The following ERBB4 variants were observed in gnomAD, a reference collection of about 807,000 sequenced individuals.
The protein encoded by ERBB4 is erb-b2 receptor tyrosine kinase 4, also known as receptor tyrosine-protein kinase erbB-4.
ERBB4 carries 42 observed loss-of-function variants against 158.0 expected under a neutral mutation model. That is an observed-to-expected ratio of 0.27 (90% CI 0.21 to 0.34). ERBB4 has a LOEUF of 0.34. Ranked by LOEUF, ERBB4 falls within the 10% of genes least tolerant of loss-of-function variation. ERBB4 has a pLI of 1.00. For synonymous variants in ERBB4, 583 were observed against 558.7 expected, an observed-to-expected ratio of 1.04 and a Z score of -0.61; for missense variants, 1,333 against 1,624.1, an observed-to-expected ratio of 0.82 and a Z score of 3.08.
At chr2:212,320,543 T>C (rs1312729129) in intron 1 of ERBB4, among the ~76,000 whole-genome samples, 6 of 148,110 alleles carry the variant, frequency 4.1e-5, no homozygotes, top group Non-Finnish European at 9.0e-5. Context: ...AGATTCTGGC[T>C]ATTATATTCT....
intron 1 of ERBB4, among the ~76,000 whole-genome samples, 165 bp downstream of exon 1, chr2:212,538,284 G>C (rs888671867): frequency 2.0e-5 from 3 of 152,184 alleles, no homozygotes; most frequent in Admixed American, 6.5e-5. Flanking sequence ...CACATACAGG[G>C]TAAGTTTCAA....
At chr2:211,836,531 G>A (rs1458299610) in intron 3 of ERBB4, among the ~76,000 whole-genome samples, 3 of 152,132 alleles carry the variant, frequency 2.0e-5, no homozygotes, top group South Asian at 2.1e-4. Flanking sequence ...TCTCTGCTTA[G>A]TACATACCAA....
At chr2:211,565,682 T>C (rs1334616874) in intron 19 of ERBB4, among the ~76,000 whole-genome samples, 3 of 152,168 alleles carry the variant, frequency 2.0e-5, no homozygotes, top group Non-Finnish European at 4.4e-5. Context: ...TATTCACAAA[T>C]ATGCAGTGTT....
intron 2 of ERBB4, among the ~76,000 whole-genome samples, chr2:212,063,473 A>G (rs2077842657): frequency 6.6e-6 from 1 of 152,122 alleles, no homozygotes; most frequent in Admixed American, 6.6e-5. Flanking sequence ...TACTTCACTA[A>G]AGGCAAATAA....
At chr2:212,374,833 T>C (rs1019985771) in intron 1 of ERBB4, among the ~76,000 whole-genome samples, 2 of 151,954 alleles carry the variant, frequency 1.3e-5, no homozygotes, top group African/African-American at 4.8e-5. Context: ...GGCACAATCA[T>C]AGCAGATAGT....
At chr2:211,445,313 G>T (rs1292322263) in intron 20 of ERBB4, among the ~76,000 whole-genome samples, 1 of 152,102 alleles carries the variant, frequency 6.6e-6, no homozygotes, top group African/African-American at 2.4e-5. Context: ...GTTTGACTAA[G>T]ACAGTAACTT....
At chr2:211,602,989 G>A (rs1387501018) in intron 19 of ERBB4, among the ~76,000 whole-genome samples, 1 of 152,100 alleles carries the variant, frequency 6.6e-6, no homozygotes, top group Non-Finnish European at 1.5e-5. Flanking sequence ...AGCACTTTGG[G>A]AGGCTGAGGT....
chr2:211,390,022 AATCCAGTAC>A (rs1394947319), intron 25 of ERBB4, among the ~76,000 whole-genome samples: 2 of 152,182 alleles, frequency 1.3e-5, no homozygotes, highest in Admixed American at 1.3e-4. Flanking sequence ...AAATACCTGA[AATCCAGTAC>A]ATTTGTTCAT....
At chr2:212,093,512 A>G (rs2078839584) in intron 2 of ERBB4, among the ~76,000 whole-genome samples, 1 of 152,232 alleles carries the variant, frequency 6.6e-6, no homozygotes, top group African/African-American at 2.4e-5. Context: ...CAACTAAAAA[A>G]GAATTACAAT....
At chr2:212,421,563 T>C (rs747083251) in intron 1 of ERBB4, among the ~76,000 whole-genome samples, 1 of 152,166 alleles carries the variant, frequency 6.6e-6, no homozygotes, top group African/African-American at 2.4e-5. Context: ...TTTTGGGATA[T>C]TGTCAGTAAG....
chr2:212,286,597 T>G (rs72945674), intron 1 of ERBB4, among the ~76,000 whole-genome samples: 651 of 22,116 alleles, frequency 0.029, 16 homozygotes, highest in East Asian at 0.096. Context: ...GTGCTGACTT[T>G]TTTTTTTTTT....
At chr2:211,594,843 A>G (rs2068584225) in intron 19 of ERBB4, among the ~76,000 whole-genome samples, 1 of 151,870 alleles carries the variant, frequency 6.6e-6, no homozygotes, top group African/African-American at 2.4e-5. Context: ...TTTTAAGTTC[A>G]CATTATCTCA....
chr2:212,448,920 T>C (rs191715382), intron 1 of ERBB4, among the ~76,000 whole-genome samples: 1 of 152,300 alleles, frequency 6.6e-6, no homozygotes, highest in Admixed American at 6.5e-5. Context: ...TTGTGGTCAC[T>C]GAGGTTACAT....
At chr2:212,441,984 A>C (rs767702653) in intron 1 of ERBB4, among the ~76,000 whole-genome samples, 4 of 152,170 alleles carry the variant, frequency 2.6e-5, no homozygotes, top group Non-Finnish European at 5.9e-5. Context: ...TGTATGTCAG[A>C]TCTAAGAGTG....
chr2:212,192,040 A>ATATATGTTATATGT (rs1553589149), intron 1 of ERBB4, among the ~76,000 whole-genome samples: 1 of 10,822 alleles, frequency 9.2e-5, no homozygotes, highest in African/African-American at 1.6e-4. Flanking sequence ...GTTATATGTT[A>ATATATGTTATATGT]TATATATGTT....
At chr2:212,093,529 G>A (rs2078840251) in intron 2 of ERBB4, among the ~76,000 whole-genome samples, 1 of 152,104 alleles carries the variant, frequency 6.6e-6, no homozygotes, top group Admixed American at 6.6e-5. Context: ...CAATGATGAG[G>A]AGGATAACAG....
intron 1 of ERBB4, among the ~76,000 whole-genome samples, chr2:212,175,897 G>A (rs2081649341): frequency 6.6e-6 from 1 of 151,878 alleles, no homozygotes; most frequent in Admixed American, 6.6e-5. Context: ...TAAAGTGAAT[G>A]GTTTGAGGTC....
At chr2:212,138,295 G>A (rs960377318) in intron 1 of ERBB4, among the ~76,000 whole-genome samples, 16 of 152,052 alleles carry the variant, frequency 1.1e-4, no homozygotes, top group Non-Finnish European at 2.9e-5. Flanking sequence ...GAAATTTCCT[G>A]GGCATAACAG....
intron 1 of ERBB4, among the ~76,000 whole-genome samples, chr2:212,305,951 T>C (rs1245933258): frequency 1.3e-5 from 2 of 151,406 alleles, no homozygotes; most frequent in African/African-American, 2.4e-5. Flanking sequence ...TAAAATAATT[T>C]ATTTGAAGCC....
Sources: allele counts gnomAD v4.1 joint callset (sites outside exome capture counted in the v4.1 genomes callset), GRCh38; gene constraint gnomAD v4.1.1; transcripts MANE v1.5; gene names NCBI Gene and HGNC (gene_info 2026-07-23, HGNC 2026-07-21).